CNTNAP2: variants seen among roughly 807,000 people sequenced by gnomAD.
CNTNAP2 encodes contactin-associated protein-like 2.
CNTNAP2 carries 98 observed loss-of-function variants against 155.2 expected under a neutral mutation model. That is an observed-to-expected ratio of 0.63 (90% confidence interval 0.54 to 0.75). The LOEUF (loss-of-function observed/expected upper bound fraction) is 0.75, where lower values mean the gene tolerates loss of function less well. Among genes scored for constraint, CNTNAP2 ranks in the 30% least tolerant of loss-of-function variants. The probability of loss-of-function intolerance (pLI) is 0.00; values close to 1 mark genes in which losing one functional copy is unlikely to be tolerated. For synonymous variants in CNTNAP2, 651 were observed against 631.2 expected (o/e 1.03, Z -0.47); for missense variants, 1,727 against 1,688.1 (o/e 1.02, Z -0.40).
chr7:146,506,132 G>A (rs960715406), intron 1 of CNTNAP2, among the ~76,000 whole-genome samples: 1 of 152,178 alleles, frequency 6.6e-6, no homozygotes, highest in African/African-American at 2.4e-5. Context: ...AAGTGTTGCA[G>A]GGCCTGAATT....
chr7:147,457,125 A>C (rs1584958662), intron 10 of CNTNAP2, among the ~76,000 whole-genome samples: 2 of 152,300 alleles, frequency 1.3e-5, no homozygotes, highest in Middle Eastern at 6.8e-3. Context: ...CTATTCCAAA[A>C]AGCCAAATAT....
chr7:146,329,100 AC>A (rs778783328), intron 1 of CNTNAP2, among the ~76,000 whole-genome samples: 20 of 152,162 alleles, frequency 1.3e-4, no homozygotes, highest in Non-Finnish European at 2.8e-4. Context: ...TTTTTAAGAA[AC>A]TTCCATAATG....
chr7:147,713,869 T>A (rs1796440549), intron 13 of CNTNAP2, among the ~76,000 whole-genome samples: 2 of 152,168 alleles, frequency 1.3e-5, no homozygotes, highest in Admixed American at 1.3e-4. Flanking sequence ...ATATTGAGCA[T>A]CTTTTAAGTG....
intron 11 of CNTNAP2, among the ~76,000 whole-genome samples, chr7:147,495,492 A>G (rs980564983): frequency 1.3e-5 from 2 of 152,210 alleles, no homozygotes; most frequent in African/African-American, 4.8e-5. Context: ...TAAAACAAGA[A>G]TAATAGTATG....
chr7:147,613,670 C>T (rs772571237), intron 12 of CNTNAP2, among the ~76,000 whole-genome samples: 2 of 151,970 alleles, frequency 1.3e-5, no homozygotes, highest in East Asian at 1.9e-4. Context: ...GATGAAACCC[C>T]GTCTCTACTA....
intron 21 of CNTNAP2, among the ~76,000 whole-genome samples, chr7:148,280,277 T>C (rs1170681984): frequency 6.6e-6 from 1 of 152,094 alleles, no homozygotes; most frequent in East Asian, 1.9e-4. Context: ...GCTACTGTAC[T>C]GCATCTAGGT....
At chr7:147,803,361 G>A (rs1160356419) in intron 13 of CNTNAP2, among the ~76,000 whole-genome samples, 3 of 152,160 alleles carry the variant, frequency 2.0e-5, no homozygotes, top group East Asian at 1.9e-4. Context: ...TAGAAATGCA[G>A]CCAGCAAACT....
intron 2 of CNTNAP2, among the ~76,000 whole-genome samples, chr7:146,837,305 C>G (rs542698062): frequency 2.0e-4 from 31 of 152,108 alleles, no homozygotes; most frequent in African/African-American, 7.0e-4. Flanking sequence ...GCCCTACATT[C>G]TAGTACAATG....
intron 3 of CNTNAP2, among the ~76,000 whole-genome samples, chr7:146,952,321 C>T (rs7809919): frequency 0.28 from 43,233 of 152,018 alleles, 7,051 homozygotes; most frequent in Non-Finnish European, 0.36. Context: ...CAGCCAATAT[C>T]ATACTGAATG....
At chr7:147,917,216 A>G (rs1800176528) in intron 14 of CNTNAP2, among the ~76,000 whole-genome samples, 1 of 152,216 alleles carries the variant, frequency 6.6e-6, no homozygotes, top group African/African-American at 2.4e-5. Flanking sequence ...GCCTCAGACT[A>G]ATTAAATCAA....
At chr7:146,780,676 G>A (rs922402015) in intron 2 of CNTNAP2, among the ~76,000 whole-genome samples, 3 of 151,968 alleles carry the variant, frequency 2.0e-5, no homozygotes, top group Admixed American at 6.6e-5. Flanking sequence ...TATACACCAC[G>A]GAACACTATG....
chr7:147,952,969 TC>T (rs34439053), intron 14 of CNTNAP2, among the ~76,000 whole-genome samples: 4 of 152,168 alleles, frequency 2.6e-5, no homozygotes, highest in African/African-American at 9.7e-5. Context: ...TAGGGAATAT[TC>T]CCAAGGTCAC....
At chr7:147,397,806 A>T (rs1796844779) in intron 10 of CNTNAP2, among the ~76,000 whole-genome samples, 1 of 151,534 alleles carries the variant, frequency 6.6e-6, no homozygotes, top group Non-Finnish European at 1.5e-5. Context: ...GTCAGGCCCA[A>T]TATTCATCTT....
At chr7:146,533,889 A>T (rs1278575645) in intron 1 of CNTNAP2, among the ~76,000 whole-genome samples, 1 of 152,196 alleles carries the variant, frequency 6.6e-6, no homozygotes, top group Non-Finnish European at 1.5e-5. Flanking sequence ...TATTAATTAT[A>T]GATAAAATAC....
chr7:147,478,069 T>C (rs1798352486), intron 10 of CNTNAP2, among the ~76,000 whole-genome samples: 1 of 152,176 alleles, frequency 6.6e-6, no homozygotes, highest in Non-Finnish European at 1.5e-5. Flanking sequence ...AGGCAAGATA[T>C]AGGTCCACAT....
At chr7:146,176,782 G>T (rs1427161729) in intron 1 of CNTNAP2, among the ~76,000 whole-genome samples, 1 of 152,136 alleles carries the variant, frequency 6.6e-6, no homozygotes, top group Non-Finnish European at 1.5e-5. Context: ...GCCATTGTGT[G>T]TTCTAAATTA....
At chr7:147,783,340 A>C (rs2116559033) in intron 13 of CNTNAP2, among the ~76,000 whole-genome samples, 1 of 152,320 alleles carries the variant, frequency 6.6e-6, no homozygotes, top group East Asian at 1.9e-4. Context: ...ATTTGCAAGC[A>C]CATTTTAAGT....
intron 8 of CNTNAP2, among the ~76,000 whole-genome samples, chr7:147,239,656 A>C (rs922913995): frequency 1.3e-4 from 20 of 152,180 alleles, no homozygotes; most frequent in Non-Finnish European, 2.5e-4. Flanking sequence ...CAGTTTAAGG[A>C]ATCTTGCTTA....
At chr7:147,721,441 A>G (rs1049060744) in intron 13 of CNTNAP2, among the ~76,000 whole-genome samples, 1 of 152,122 alleles carries the variant, frequency 6.6e-6, no homozygotes, top group African/African-American at 2.4e-5. Context: ...AAGCAATGTC[A>G]GGTTCAGAAA....
Sources: gnomAD v4.1 joint callset for allele counts (sites outside exome capture counted in the v4.1 genomes callset) on GRCh38, gnomAD v4.1.1 for gene constraint, MANE v1.5 for transcripts, NCBI Gene and HGNC (gene_info 2026-07-23, HGNC 2026-07-21) for gene names.